PDE1A: variants seen among roughly 807,000 people sequenced by gnomAD.
PDE1A encodes the protein phosphodiesterase 1A, also known as dual specificity calcium/calmodulin-dependent 3',5'-cyclic nucleotide phosphodiesterase 1A.
Under a neutral mutation model 61.7 loss-of-function variants are expected in PDE1A, and 35 were observed. That is an observed-to-expected ratio of 0.57 (90% CI 0.43 to 0.75). The LOEUF (loss-of-function observed/expected upper bound fraction) is 0.75, where lower values mean the gene tolerates loss of function less well. PDE1A is among the 30% of genes least tolerant of loss of function. PDE1A has a pLI of 0.00. For synonymous variants in PDE1A, 232 were observed against 213.2 expected, an observed-to-expected ratio of 1.09 and a Z score of -0.77; for missense variants, 597 against 630.6, an observed-to-expected ratio of 0.95 and a Z score of 0.57.
intron 13 of PDE1A, among the ~76,000 whole-genome samples, chr2:182,173,879 T>A (rs1016658402): frequency 6.6e-6 from 1 of 152,052 alleles, no homozygotes; most frequent in Non-Finnish European, 1.5e-5. Flanking sequence ...TAAGAACACA[T>A]ACCTTATAAA....
the PDE1A span, among the ~76,000 whole-genome samples, chr2:182,626,812 TAC>T: frequency 5.3e-5 from 2 of 38,068 alleles, 1 homozygote; most frequent in African/African-American, 1.7e-4. Flanking sequence ...CATATATATA[TAC>T]ATATATATAT....
At chr2:182,577,878 C>G in the PDE1A span, among the ~76,000 whole-genome samples, 1 of 148,456 alleles carries the variant, frequency 6.7e-6, no homozygotes, top group African/African-American at 2.5e-5. Flanking sequence ...CTAGATCTCA[C>G]CACTGCACTC....
At chr2:182,574,955 G>T in the PDE1A span, among the ~76,000 whole-genome samples, 1 of 152,174 alleles carries the variant, frequency 6.6e-6, no homozygotes, top group African/African-American at 2.4e-5. Flanking sequence ...CTCCCAAGGT[G>T]CTGGAATTAC....
intron 2 of PDE1A, chr2:182,241,935 C>T (rs577835674): frequency 6.6e-7 from 1 of 1,511,760 alleles, no homozygotes; most frequent in Admixed American, 2.2e-5. Flanking sequence ...ATTCCCTAGC[C>T]CATTTCAGCA....
the PDE1A span, among the ~76,000 whole-genome samples, chr2:182,578,549 AG>A: frequency 6.6e-6 from 1 of 152,202 alleles, no homozygotes; most frequent in Non-Finnish European, 1.5e-5. Context: ...TTTTTTCATA[AG>A]CTTATCATTT....
chr2:182,507,419 A>T (rs1689482402), intron 2 of PDE1A, among the ~76,000 whole-genome samples: 2 of 152,290 alleles, frequency 1.3e-5, no homozygotes, highest in South Asian at 4.1e-4. Context: ...GAGGGGCCTC[A>T]GCTGGAGTGG....
chr2:182,302,745 CA>C (rs1559314709), intron 1 of PDE1A, among the ~76,000 whole-genome samples: 1 of 152,148 alleles, frequency 6.6e-6, no homozygotes, highest in African/African-American at 2.4e-5. Context: ...GTACTTCTTT[CA>C]AAATTGAAGT....
chr2:182,554,964 T>G, the PDE1A span, among the ~76,000 whole-genome samples: 1 of 152,344 alleles, frequency 6.6e-6, no homozygotes, highest in South Asian at 2.1e-4. Flanking sequence ...AGACATCATT[T>G]CAAAAGTGTA....
At chr2:182,308,891 G>T (rs1695778257) in intron 1 of PDE1A, among the ~76,000 whole-genome samples, 1 of 151,894 alleles carries the variant, frequency 6.6e-6, no homozygotes, top group Admixed American at 6.6e-5. Flanking sequence ...TGAGAATTCT[G>T]CTATGTTTAT....
At chr2:182,199,716 A>AT (rs201025534) in intron 10 of PDE1A, among the ~76,000 whole-genome samples, 9 of 152,172 alleles carry the variant, frequency 5.9e-5, no homozygotes, top group South Asian at 2.1e-4. Context: ...CATTTAGTGT[A>AT]TTTTTTTAGC....
intron 1 of PDE1A, among the ~76,000 whole-genome samples, chr2:182,361,267 G>C (rs1197808946): frequency 6.6e-6 from 1 of 152,046 alleles, no homozygotes; most frequent in Admixed American, 6.6e-5. Context: ...TTAGATATAC[G>C]TAATGCATAG....
chr2:182,272,627 G>C (rs542997287), intron 1 of PDE1A, among the ~76,000 whole-genome samples: 2 of 152,236 alleles, frequency 1.3e-5, no homozygotes, highest in South Asian at 4.1e-4. Context: ...ACAATAAGAG[G>C]TATGTGTCCA....
At chr2:182,260,861 T>C (rs1231324449) in intron 2 of PDE1A, among the ~76,000 whole-genome samples, 1 of 152,106 alleles carries the variant, frequency 6.6e-6, no homozygotes, top group Admixed American at 6.6e-5. Flanking sequence ...AGGATGAGAA[T>C]TGCACTTCAT....
At chr2:182,529,740 T>C in the PDE1A span, among the ~76,000 whole-genome samples, 8 of 152,192 alleles carry the variant, frequency 5.3e-5, no homozygotes, top group African/African-American at 1.4e-4. Flanking sequence ...ACTGTCTTCA[T>C]GGTAGTGAAT....
At chr2:182,525,809 C>T (rs148706122), upstream of PDE1A, among the ~76,000 whole-genome samples, 195 of 152,180 alleles carry the variant, frequency 1.3e-3, no homozygotes, top group African/African-American at 4.5e-3. Flanking sequence ...AGCCAGTAAG[C>T]CATCACTCAA....
intron 3 of PDE1A, among the ~76,000 whole-genome samples, chr2:182,237,409 C>T (rs2568661): frequency 0.71 from 108,238 of 151,908 alleles, 39,004 homozygotes; most frequent in African/African-American, 0.83. Context: ...ACTCGGGAGG[C>T]GGAGGTTGCA....
downstream of PDE1A, among the ~76,000 whole-genome samples, chr2:182,145,270 G>A (rs1690434779): frequency 6.6e-6 from 1 of 152,076 alleles, no homozygotes; most frequent in Admixed American, 6.6e-5. Context: ...TTTATAAGGT[G>A]CTACTGAAGA....
chr2:182,648,999 A>C, the PDE1A span, among the ~76,000 whole-genome samples: 1 of 152,178 alleles, frequency 6.6e-6, no homozygotes, highest in Non-Finnish European at 1.5e-5. Context: ...GTGTCCCTAC[A>C]AGTGGGTGGG....
At chr2:182,192,634 G>A (rs1353796109) in intron 10 of PDE1A, among the ~76,000 whole-genome samples, 5 of 152,068 alleles carry the variant, frequency 3.3e-5, no homozygotes, top group African/African-American at 1.2e-4. Flanking sequence ...TTTCTTAGAG[G>A]TTTCGCTGTC....
Sources: gnomAD v4.1 joint callset for allele counts (sites outside exome capture counted in the v4.1 genomes callset) on GRCh38, gnomAD v4.1.1 for gene constraint, MANE v1.5 for transcripts, NCBI Gene and HGNC (gene_info 2026-07-23, HGNC 2026-07-21) for gene names.